The following RUNX2 variants were observed in gnomAD, a reference collection of about 807,000 sequenced individuals.
RUNX2 encodes the protein runt-related transcription factor 2.
RUNX2 carries 10 observed loss-of-function variants against 51.7 expected under a neutral mutation model. That is an observed-to-expected ratio of 0.19 (90% confidence interval 0.12 to 0.33). The LOEUF (loss-of-function observed/expected upper bound fraction) is 0.33, where lower values mean the gene tolerates loss of function less well. Among genes scored for constraint, RUNX2 ranks in the 10% least tolerant of loss-of-function variants. The pLI, the probability that RUNX2 is intolerant of heterozygous loss-of-function variation, is 1.00. For missense variants in RUNX2, 562 were observed against 691.3 expected (o/e 0.81, Z 2.10); for synonymous variants, 276 against 273.6 (o/e 1.01, Z -0.09).
intron 6 of RUNX2, among the ~76,000 whole-genome samples, chr6:45,507,644 G>T (rs1237824114): frequency 2.0e-5 from 3 of 152,194 alleles, no homozygotes; most frequent in African/African-American, 7.2e-5. Context: ...AAAGTGTACA[G>T]TATTTGAAAA....
At chr6:45,403,233 T>C (rs944655221) in intron 2 of RUNX2, among the ~76,000 whole-genome samples, 30 of 133,070 alleles carry the variant, frequency 2.3e-4, no homozygotes, top group African/African-American at 5.7e-4. Context: ...GAGTTTCTTT[T>C]TTTTTTTTTT....
At position 45,550,012 on chromosome 6, in the gene RUNX2, T is replaced by C. The variant is rs1274289271; in HGVS notation, c.*2707T>C. ...TGTTTTTCTTTCTTTCTTTTTTTTT[T>C]TTTTTCACTGAACCCTTAATTTGCA... On this transcript the variant is annotated 3_prime_UTR_variant, in exon 9 of 9. Transcript: ENST00000647337. The C allele has an allele frequency of 3.3e-5, 5 of 152,178 alleles. No homozygotes were observed. The highest frequency in any genetic ancestry group is 7.4e-5 in the Non-Finnish European group (5 of 67,952). The allele number at this position is 152,178 out of a possible 1,614,324, so 9.4% of individuals were successfully genotyped here. A position where few individuals can be genotyped will look rare whatever the true frequency, so the allele number is the denominator to read the frequency against.
intron 5 of RUNX2, among the ~76,000 whole-genome samples, chr6:45,470,370 G>C (rs555399627): frequency 6.6e-6 from 1 of 152,320 alleles, no homozygotes; most frequent in African/African-American, 2.4e-5. Context: ...AAAAATGCCA[G>C]ACTTGGGTTG....
intron 7 of RUNX2, among the ~76,000 whole-genome samples, chr6:45,529,066 A>G (rs1801762929): frequency 6.6e-6 from 1 of 152,174 alleles, no homozygotes; most frequent in African/African-American, 2.4e-5. Context: ...CCATGCCCTA[A>G]AAGGAGATTC....
chr6:45,523,986 C>CT (rs1296557209), intron 7 of RUNX2, among the ~76,000 whole-genome samples: 2 of 152,052 alleles, frequency 1.3e-5, no homozygotes, highest in Admixed American at 1.3e-4. Flanking sequence ...AAGTAAAAAG[C>CT]TTTTTTCTAA....
At chr6:45,538,178 C>T (rs966014306) in intron 7 of RUNX2, among the ~76,000 whole-genome samples, 15 of 152,138 alleles carry the variant, frequency 9.9e-5, no homozygotes, top group Admixed American at 2.6e-4. Context: ...TTACCACTAG[C>T]GCAGGCCACA....
At chr6:45,365,295 T>C (rs1237145449) in intron 2 of RUNX2, 5 of 1,607,074 alleles carry the variant, frequency 3.1e-6, no homozygotes, top group Non-Finnish European at 3.4e-6. Flanking sequence ...GCTGCCGTAT[T>C]ATTCATCTAA....
rs398048486 is a variant in RUNX2, at chr6:45,399,349, C to CTTTTTTTTTT, written c.59-23225_59-23216dup. On this transcript the variant is annotated intron_variant, in intron 2 of 8. Transcript: ENST00000647337. Reference sequence around the variant, plus strand: ...CTTTCTCATTTCTTTCTTTTCTTTCCTTTTTTTTTTTTTTTTTTTTTTTTT... The same window carrying CTTTTTTTTTT: ...CTTTCTCATTTCTTTCTTTTCTTTCCTTTTTTTTTTTTTTTTTTTTTTTTTTTTTTTTTTT... Among the ~76,000 whole-genome samples the CTTTTTTTTTT allele has an allele frequency of 8.2e-4, 47 of 57,378 alleles. 9 individuals carry two copies. The highest frequency in any genetic ancestry group is 1.1e-3 in the Non-Finnish European group (33 of 29,040). The allele number at this position is 57,378 out of a possible 152,430, so 37.6% of individuals were successfully genotyped here. A position where few individuals can be genotyped will look rare whatever the true frequency, so the allele number is the denominator to read the frequency against.
At chr6:45,523,255 G>T (rs1395802527) in intron 7 of RUNX2, among the ~76,000 whole-genome samples, 3 of 152,074 alleles carry the variant, frequency 2.0e-5, no homozygotes, top group East Asian at 3.9e-4. Context: ...GGAACTGCAT[G>T]ATTATTATTA....
intron 2 of RUNX2, among the ~76,000 whole-genome samples, chr6:45,389,610 T>C (rs1431424371): frequency 6.6e-6 from 1 of 152,222 alleles, no homozygotes; most frequent in Non-Finnish European, 1.5e-5. Context: ...TAATGGATCA[T>C]TGTAGAGATA....
chr6:45,529,261 C>A (rs373651519), intron 7 of RUNX2, among the ~76,000 whole-genome samples: 2 of 152,182 alleles, frequency 1.3e-5, no homozygotes, highest in Admixed American at 6.5e-5. Flanking sequence ...CTATTACAGC[C>A]ATTTGTTAGT....
At chr6:45,455,604 C>T (rs1228638091) in intron 5 of RUNX2, among the ~76,000 whole-genome samples, 1 of 152,086 alleles carries the variant, frequency 6.6e-6, no homozygotes, top group Admixed American at 6.5e-5. Flanking sequence ...GAGATTAGCA[C>T]CCGTAAAGGT....
intron 2 of RUNX2, 54 bp from the exon 3 acceptor site, chr6:45,422,533 TCCTCCC>T: frequency 7.9e-6 from 7 of 887,096 alleles, no homozygotes; most frequent in Non-Finnish European, 8.9e-6. Context: ...ATTTCCACCC[TCCTCCC>T]CCTCCCCCGG....
At chr6:45,389,691 A>T (rs1797427374) in intron 2 of RUNX2, among the ~76,000 whole-genome samples, 1 of 152,206 alleles carries the variant, frequency 6.6e-6, no homozygotes. Context: ...GAGGTTAGTC[A>T]GGAAGCACAG....
At chr6:45,427,385 A>C (rs1289683964) in intron 3 of RUNX2, among the ~76,000 whole-genome samples, 1 of 152,092 alleles carries the variant, frequency 6.6e-6, no homozygotes. Flanking sequence ...ATCAAAATTT[A>C]TCTTTGACAT....
At chr6:45,360,011 C>T (rs1198432292) in intron 2 of RUNX2, among the ~76,000 whole-genome samples, 1 of 152,228 alleles carries the variant, frequency 6.6e-6, no homozygotes, top group Admixed American at 6.5e-5. Flanking sequence ...TTAGCTTTCA[C>T]ATTTTATTTC....
chr6:45,476,052 AGT>A (rs1799947819), intron 5 of RUNX2, among the ~76,000 whole-genome samples: 1 of 152,164 alleles, frequency 6.6e-6, no homozygotes, highest in Non-Finnish European at 1.5e-5. Flanking sequence ...TGTGTTTATT[AGT>A]TAAGTTTGCA....
At chr6:45,400,285 G>T (rs1797685100) in intron 2 of RUNX2, among the ~76,000 whole-genome samples, 1 of 152,108 alleles carries the variant, frequency 6.6e-6, no homozygotes, top group Non-Finnish European at 1.5e-5. Context: ...CGTGAGGGAA[G>T]GTGGAGAAAA....
chr6:45,424,237 G>T (rs987579670), intron 3 of RUNX2, among the ~76,000 whole-genome samples: 1 of 152,214 alleles, frequency 6.6e-6, no homozygotes, highest in South Asian at 2.1e-4. Flanking sequence ...ACAGTAGCCC[G>T]ATGGCTCTCC....
Sources: gnomAD v4.1 joint callset for allele counts (sites outside exome capture counted in the v4.1 genomes callset) on GRCh38, gnomAD v4.1.1 for gene constraint, MANE v1.5 for transcripts, NCBI Gene and HGNC (gene_info 2026-07-23, HGNC 2026-07-21) for gene names.